Variants in FAF1 observed in about 807,000 individuals in gnomAD.
FAF1 encodes the protein FAS-associated factor 1.
FAF1 carries 25 observed loss-of-function variants against 92.5 expected under a neutral mutation model. The observed-to-expected ratio is 0.27, with a 90% CI of 0.20 to 0.38. The LOEUF is 0.38. Ranked by LOEUF, FAF1 falls within the 10% of genes least tolerant of loss-of-function variation. FAF1 has a pLI of 1.00. For missense variants in FAF1, 636 were observed against 793.3 expected, an observed-to-expected ratio of 0.80 and a Z score of 2.38; for synonymous variants, 234 against 273.2, an observed-to-expected ratio of 0.86 and a Z score of 1.42.
chr1:50,474,916 C>G (rs1646619585), intron 18 of FAF1, among the ~76,000 whole-genome samples: 1 of 152,206 alleles, frequency 6.6e-6, no homozygotes, highest in African/African-American at 2.4e-5. Context: ...TCTAACACAT[C>G]TATATCTCTC....
chr1:50,573,001 G>C (rs1030187775), intron 12 of FAF1, among the ~76,000 whole-genome samples: 16 of 151,908 alleles, frequency 1.1e-4, no homozygotes, highest in African/African-American at 3.6e-4. Flanking sequence ...GGTGATACTT[G>C]AGCTGAATTT....
At chr1:50,911,504 C>T (rs144776873) in intron 1 of FAF1, among the ~76,000 whole-genome samples, 3,346 of 146,980 alleles carry the variant, frequency 0.023, 59 homozygotes, top group Non-Finnish European at 0.034. Flanking sequence ...GAGACCAGTC[C>T]GGCCAACATG....
chr1:50,789,053 T>C (rs941922685), intron 3 of FAF1, among the ~76,000 whole-genome samples: 6 of 152,116 alleles, frequency 3.9e-5, no homozygotes, highest in African/African-American at 1.4e-4. Flanking sequence ...CGGGCTAGTC[T>C]TCAACTCGTG....
At chr1:50,592,792 G>A (rs1372160978) in intron 9 of FAF1, among the ~76,000 whole-genome samples, 1 of 152,084 alleles carries the variant, frequency 6.6e-6, no homozygotes, top group Non-Finnish European at 1.5e-5. Flanking sequence ...TACTCAAAAT[G>A]CCGGGCATGG....
chr1:50,952,047 A>C (rs1261362879), intron 1 of FAF1, among the ~76,000 whole-genome samples: 1 of 152,240 alleles, frequency 6.6e-6, no homozygotes, highest in Non-Finnish European at 1.5e-5. Flanking sequence ...GCAAAGTTTC[A>C]AAGACCCATG....
At chr1:50,729,193 T>A (rs1450303984) in intron 6 of FAF1, among the ~76,000 whole-genome samples, 1 of 151,358 alleles carries the variant, frequency 6.6e-6, no homozygotes, top group African/African-American at 2.4e-5. Context: ...ATAGCCGGGA[T>A]AACAGGCATG....
chr1:50,457,500 G>A (rs1430283679), intron 18 of FAF1, among the ~76,000 whole-genome samples: 2 of 152,084 alleles, frequency 1.3e-5, no homozygotes, highest in Non-Finnish European at 2.9e-5. Flanking sequence ...GCGTGTCTGC[G>A]AAAGCAACTA....
chr1:50,566,762 ACAT>A (rs1417620180), intron 13 of FAF1, among the ~76,000 whole-genome samples: 2 of 152,120 alleles, frequency 1.3e-5, no homozygotes, highest in Non-Finnish European at 2.9e-5. Flanking sequence ...CCTTTTCTGA[ACAT>A]CATTAAAAAC....
chr1:50,660,802 T>A lies in FAF1; in HGVS notation c.658-5274A>T, dbSNP rs188813656. 3.5e-4 allele frequency among the ~76,000 whole-genome samples: 54 copies of A among 152,298 alleles called. 4 individuals carry two copies. Among genetic ancestry groups the A allele is most frequent in the African/African-American group, 1.3e-3 (53 of 41,566 alleles). On this transcript the variant is annotated intron_variant, in intron 7 of 18. Transcript: ENST00000396153. ...ACCTTACCCAGCCAGAGAACTAGATTTCTAATCCTAGTTCTGCTCAACTGT... is the reference window on the plus strand; with the variant it reads ...ACCTTACCCAGCCAGAGAACTAGATATCTAATCCTAGTTCTGCTCAACTGT...
At chr1:50,461,184 C>A (rs1182795753) in intron 18 of FAF1, among the ~76,000 whole-genome samples, 1 of 152,184 alleles carries the variant, frequency 6.6e-6, no homozygotes, top group African/African-American at 2.4e-5. Context: ...TAGCTCCCCA[C>A]AGCCTATAGA....
At chr1:50,567,027 T>C (rs1572838876) in intron 13 of FAF1, 50 bp downstream of exon 13, 1 of 982,826 alleles carries the variant, frequency 1.0e-6, no homozygotes, top group Non-Finnish European at 1.4e-6. Context: ...AACACAATGA[T>C]TTTTTTTTTA....
intron 8 of FAF1, among the ~76,000 whole-genome samples, chr1:50,644,083 A>T (rs1348063248): frequency 6.6e-6 from 1 of 152,204 alleles, no homozygotes; most frequent in Non-Finnish European, 1.5e-5. Context: ...GTTATGGGTC[A>T]GATTTTCCTG....
At chr1:50,581,076 G>C (rs1018861351) in intron 12 of FAF1, among the ~76,000 whole-genome samples, 4 of 152,174 alleles carry the variant, frequency 2.6e-5, no homozygotes, top group Admixed American at 1.3e-4. Flanking sequence ...ATCCAGCCCA[G>C]TATTTTCCAT....
intron 4 of FAF1, among the ~76,000 whole-genome samples, chr1:50,749,521 C>T (rs1659765285): frequency 1.3e-5 from 2 of 152,164 alleles, no homozygotes; most frequent in African/African-American, 2.4e-5. Context: ...CAAGGTGGCT[C>T]ATGCCTATAA....
At chr1:50,547,667 G>C (rs1014526262) in intron 13 of FAF1, among the ~76,000 whole-genome samples, 1 of 151,946 alleles carries the variant, frequency 6.6e-6, no homozygotes, top group Non-Finnish European at 1.5e-5. Flanking sequence ...ACCTGCCTCG[G>C]CCTCCCAAAG....
At position 50,664,090 on chromosome 1, in the gene FAF1, G is replaced by A. The variant is rs545178098; in HGVS notation, c.658-8562C>T. On this transcript the variant is annotated intron_variant, in intron 7 of 18. Coordinates refer to ENST00000396153, the MANE Select transcript of FAF1 (RefSeq NM_007051.3). ...TTGGCTCACTGCAACTTCTGCCTCC[G>A]GGGTTCAAGCAATTCTCCTGCCTCA... Among the ~76,000 whole-genome samples the A allele has an allele frequency of 3.1e-3, 471 of 149,816 alleles. 3 individuals carry two copies. Among genetic ancestry groups the A allele is most frequent in the Non-Finnish European group, 4.2e-3 (285 of 67,762 alleles).
chr1:50,741,244 G>A (rs1447221341), intron 5 of FAF1, among the ~76,000 whole-genome samples: 4 of 152,190 alleles, frequency 2.6e-5, no homozygotes, highest in Non-Finnish European at 5.9e-5. Context: ...TGAAGAACAG[G>A]AGGTAAAGCA....
At chr1:50,596,482 T>C (rs1287982802) in intron 8 of FAF1, among the ~76,000 whole-genome samples, 2 of 152,206 alleles carry the variant, frequency 1.3e-5, no homozygotes, top group East Asian at 1.9e-4. Flanking sequence ...AAATCATACA[T>C]ACTTGCCCCC....
intron 7 of FAF1, among the ~76,000 whole-genome samples, chr1:50,684,549 C>T (rs1656568497): frequency 6.6e-6 from 1 of 152,040 alleles, no homozygotes; most frequent in South Asian, 2.1e-4. Context: ...AATGATATAC[C>T]GGTAAATGGC....
Sources: allele counts gnomAD v4.1 joint callset (sites outside exome capture counted in the v4.1 genomes callset), GRCh38; gene constraint gnomAD v4.1.1; transcripts MANE v1.5; gene names NCBI Gene and HGNC (gene_info 2026-07-23, HGNC 2026-07-21).